The following MYCBP2 variants were observed in gnomAD, a reference collection of about 807,000 sequenced individuals.
The protein encoded by MYCBP2 is E3 ubiquitin-protein ligase MYCBP2.
MYCBP2 carries 120 observed loss-of-function variants against 525.3 expected under a neutral mutation model. That is an observed-to-expected ratio of 0.23 (90% confidence interval 0.20 to 0.27). MYCBP2 has a LOEUF of 0.27. Among genes scored for constraint, MYCBP2 ranks in the 10% least tolerant of loss-of-function variants. The pLI is 1.00. For synonymous variants in MYCBP2, 1,894 were observed against 1,955.8 expected, an observed-to-expected ratio of 0.97 and a Z score of 0.83; for missense variants, 4,149 against 5,657.1, an observed-to-expected ratio of 0.73 and a Z score of 8.55.
chr13:77,088,419 A>G (rs2044746652), intron 61 of MYCBP2, among the ~76,000 whole-genome samples: 1 of 152,140 alleles, frequency 6.6e-6, no homozygotes, highest in Admixed American at 6.6e-5. Context: ...GGCCTGTAAT[A>G]TACAGTAATC....
At chr13:77,175,244 T>C (rs1429921925) in intron 36 of MYCBP2, among the ~76,000 whole-genome samples, 1 of 151,844 alleles carries the variant, frequency 6.6e-6, no homozygotes, top group Non-Finnish European at 1.5e-5. Context: ...TAAGGGATTT[T>C]AATTGCATAA....
chr13:77,261,122 A>G, intron 12 of MYCBP2, 49 bp downstream of exon 12: 1 of 1,462,116 alleles, frequency 6.8e-7, no homozygotes, highest in Non-Finnish European at 9.3e-7. Context: ...ATTTTTACTA[A>G]AATAAAGCAT....
At chr13:77,294,814 G>C (rs1179556034) in intron 2 of MYCBP2, among the ~76,000 whole-genome samples, 1 of 152,162 alleles carries the variant, frequency 6.6e-6, no homozygotes, top group Non-Finnish European at 1.5e-5. Context: ...TGCCTACCCG[G>C]CAACACTTTC....
chr13:77,260,556 TTAGGTTTA>T lies in MYCBP2; in HGVS notation c.1881_1888del (p.Tyr627Ter). 6.2e-7 allele frequency: 1 copy of T among 1,610,092 alleles called. No individual in the cohort carries two copies. The highest frequency in any genetic ancestry group is 8.5e-7 in the Non-Finnish European group (1 of 1,178,788). On this transcript the variant is annotated stop_gained and frameshift_variant, in exon 13 of 83. Transcript: ENST00000544440. LOFTEE classifies it high-confidence loss of function. ...CTTTCCTTCCATCTTAATTATCTTT[TTAGGTTTA>T]TAAGGTTTGGATTGCCGTCTGCTCT... is the stretch of plus-strand genomic sequence containing the variant.
intron 1 of MYCBP2, among the ~76,000 whole-genome samples, chr13:77,315,633 G>A (rs1035337692): frequency 2.0e-5 from 3 of 152,106 alleles, no homozygotes; most frequent in Non-Finnish European, 2.9e-5. Flanking sequence ...GATGGCTCAC[G>A]CCTGTAATCC....
At chr13:77,297,604 T>TAGA (rs1246490240) in intron 1 of MYCBP2, among the ~76,000 whole-genome samples, 5 of 152,072 alleles carry the variant, frequency 3.3e-5, no homozygotes, top group Admixed American at 3.3e-4. Context: ...CACTTGGAGG[T>TAGA]AGACAATGTC....
chr13:77,057,277 A>G (rs1235107242), intron 78 of MYCBP2, among the ~76,000 whole-genome samples, 184 bp from the exon 79 acceptor site: 1 of 152,240 alleles, frequency 6.6e-6, no homozygotes, highest in Non-Finnish European at 1.5e-5. Context: ...ATTTCATTAC[A>G]GTAAATTGGG....
chr13:77,093,494 A>G (rs879731001), intron 58 of MYCBP2, among the ~76,000 whole-genome samples, 162 bp from the exon 59 acceptor site: 1 of 152,202 alleles, frequency 6.6e-6, no homozygotes, highest in Non-Finnish European at 1.5e-5. Flanking sequence ...AAAGTCTGAT[A>G]ATTTTATTCA....
intron 69 of MYCBP2, 50 bp downstream of exon 69, chr13:77,070,580 AC>A: frequency 7.7e-7 from 1 of 1,299,040 alleles, no homozygotes; most frequent in Non-Finnish European, 1.1e-6. Flanking sequence ...ACAAACACAC[AC>A]ACACACACAC....
intron 21 of MYCBP2, among the ~76,000 whole-genome samples, chr13:77,212,942 G>T (rs1440115310): frequency 6.6e-6 from 1 of 152,136 alleles, no homozygotes; most frequent in East Asian, 1.9e-4. Flanking sequence ...TCTGGAACAA[G>T]GGAGCCTGGA....
At chr13:77,241,998 C>T (rs2068919130) in intron 17 of MYCBP2, among the ~76,000 whole-genome samples, 1 of 151,988 alleles carries the variant, frequency 6.6e-6, no homozygotes, top group Admixed American at 6.6e-5. Context: ...TCATAGACTT[C>T]CATAACAATT....
intron 20 of MYCBP2, among the ~76,000 whole-genome samples, chr13:77,219,732 A>G (rs1431148177): frequency 6.6e-6 from 1 of 152,072 alleles, no homozygotes; most frequent in African/African-American, 2.4e-5. Flanking sequence ...ATCCTATGCT[A>G]AAAGGAGGAA....
chr13:77,293,931 G>A (rs1025228545), intron 2 of MYCBP2, among the ~76,000 whole-genome samples: 4 of 151,498 alleles, frequency 2.6e-5, no homozygotes, highest in Non-Finnish European at 4.4e-5. Context: ...GTAAGATAAC[G>A]AGTGTTAATT....
Position 77,294,131 on chromosome 13 carries a change from C to CATATATATATATATACATACAT in MYCBP2, c.378+2467_378+2468insATGTATGTATATATATATATAT. 4.6e-5 allele frequency among the ~76,000 whole-genome samples: 3 copies of CATATATATATATATACATACAT among 65,710 alleles called. No homozygotes were observed. The South Asian group carries it at 1.6e-3, about 35-fold the overall frequency. The allele number at this position is 65,710 out of a possible 152,430, so 43.1% of individuals were successfully genotyped here. A position where few individuals can be genotyped will look rare whatever the true frequency, so the allele number is the denominator to read the frequency against. On this transcript the variant is annotated intron_variant, in intron 2 of 82. Coordinates refer to ENST00000544440, the MANE Select transcript of MYCBP2 (RefSeq NM_015057.5). ...ATATATATATATATATATATATATACATATATATATACATATATATAAAAT... is the reference window on the plus strand; with the variant it reads ...ATATATATATATATATATATATATACATATATATATATATACATACATATATATATATACATATATATAAAAT...
intron 50 of MYCBP2, 122 bp downstream of exon 50, chr13:77,140,724 G>T: frequency 1.3e-6 from 1 of 748,896 alleles, no homozygotes; most frequent in Non-Finnish European, 2.3e-6. Flanking sequence ...ATTTATTTAG[G>T]GATATTTAGA....
At chr13:77,310,968 CA>C (rs997535501) in intron 1 of MYCBP2, among the ~76,000 whole-genome samples, 1 of 151,796 alleles carries the variant, frequency 6.6e-6, no homozygotes, top group East Asian at 1.9e-4. Context: ...TTTAAAAAGA[CA>C]AAAAAAGTAC....
At chr13:77,092,080 T>TAAA (rs1491540291) in intron 59 of MYCBP2, among the ~76,000 whole-genome samples, 1 of 24,776 alleles carries the variant, frequency 4.0e-5, no homozygotes, top group African/African-American at 8.8e-5. Flanking sequence ...GTATTTTTAA[T>TAAA]GAAAAAAAAA....
chr13:77,168,061 T>C (rs1375573745), intron 40 of MYCBP2, among the ~76,000 whole-genome samples: 1 of 152,198 alleles, frequency 6.6e-6, no homozygotes, highest in Non-Finnish European at 1.5e-5. Context: ...GGGTTGTAAA[T>C]TTTCAGAGCT....
At chr13:77,132,325 AG>A (rs2053024305) in intron 52 of MYCBP2, among the ~76,000 whole-genome samples, 1 of 152,150 alleles carries the variant, frequency 6.6e-6, no homozygotes, top group Non-Finnish European at 1.5e-5. Context: ...TAATGTTATT[AG>A]GTAAAAAGGA....
Sources: allele counts gnomAD v4.1 joint callset (sites outside exome capture counted in the v4.1 genomes callset), GRCh38; gene constraint gnomAD v4.1.1; transcripts MANE v1.5; gene names NCBI Gene and HGNC (gene_info 2026-07-23, HGNC 2026-07-21).